The following OPRD1 variants were observed in gnomAD, a reference collection of about 807,000 sequenced individuals.
OPRD1 encodes delta-type opioid receptor.
OPRD1 carries 19 observed loss-of-function variants against 17.5 expected under a neutral mutation model. The ratio of observed to expected loss-of-function variants is 1.09; its 90% CI spans 0.76 to 1.60. The LOEUF is 1.60. Among genes scored for constraint, OPRD1 ranks in the 40% most tolerant of loss-of-function variants. The pLI is 0.00. For missense variants in OPRD1, 483 were observed against 547.2 expected, an observed-to-expected ratio of 0.88 and a Z score of 1.17; for synonymous variants, 256 against 240.9, an observed-to-expected ratio of 1.06 and a Z score of -0.58.
intron 2 of OPRD1, among the ~76,000 whole-genome samples, chr1:28,862,070 C>G (rs1315078959): frequency 6.6e-6 from 1 of 151,934 alleles, no homozygotes; most frequent in African/African-American, 2.4e-5. Context: ...TACCACCATG[C>G]CCGGCTAATT....
At chr1:28,832,291 G>C (rs2088813315) in intron 1 of OPRD1, among the ~76,000 whole-genome samples, 1 of 152,094 alleles carries the variant, frequency 6.6e-6, no homozygotes. Flanking sequence ...AGCTCTTTTG[G>C]GTCCCAGGCA....
At chr1:28,828,319 C>A (rs1014936483) in intron 1 of OPRD1, among the ~76,000 whole-genome samples, 2 of 152,142 alleles carry the variant, frequency 1.3e-5, no homozygotes, top group African/African-American at 4.8e-5. Context: ...TGAAAGGAAT[C>A]TTTTTTTCTG....
chr1:28,843,366 C>T (rs7547259), intron 1 of OPRD1, among the ~76,000 whole-genome samples: 7,955 of 152,246 alleles, frequency 0.052, 218 homozygotes, highest in South Asian at 0.089. Flanking sequence ...ATGCAGCCAT[C>T]ACAACCGTTC....
chr1:28,815,866 G>A (rs779749657), intron 1 of OPRD1, among the ~76,000 whole-genome samples: 7 of 152,192 alleles, frequency 4.6e-5, no homozygotes, highest in Non-Finnish European at 8.8e-5. Context: ...CCTTGGGGAA[G>A]GAAAGCCGGG....
chr1:28,817,909 G>A (rs902502259), intron 1 of OPRD1, among the ~76,000 whole-genome samples: 2 of 142,850 alleles, frequency 1.4e-5, no homozygotes, highest in Non-Finnish European at 3.1e-5. Context: ...GGGCGGGGGG[G>A]GGGTTTCACC....
intron 1 of OPRD1, among the ~76,000 whole-genome samples, chr1:28,858,049 C>T (rs550951674): frequency 6.6e-4 from 100 of 152,012 alleles, no homozygotes; most frequent in Non-Finnish European, 9.3e-4. Context: ...CCCACCTCGG[C>T]CTCCCAAAGT....
At chr1:28,855,296 G>A (rs1298477509) in intron 1 of OPRD1, among the ~76,000 whole-genome samples, 2 of 152,146 alleles carry the variant, frequency 1.3e-5, no homozygotes, top group Non-Finnish European at 2.9e-5. Flanking sequence ...AAGTCCAGAG[G>A]CCCCGAAGTG....
chr1:28,863,157 G>A lies in OPRD1; in HGVS notation c.993G>A (p.Gln331=). 6.2e-7 allele frequency: 1 copy of A among 1,604,882 alleles called. No homozygotes were observed. The highest frequency in any genetic ancestry group is 8.5e-7 in the Non-Finnish European group (1 of 1,178,460). Residue 331 remains glutamine (Q), a synonymous_variant, in exon 3 of 3, where the codon CAG becomes CAA. Coordinates refer to ENST00000234961, the MANE Select transcript of OPRD1 (RefSeq NM_000911.4). ...AGAACTTCAAGCGCTGCTTCCGCCA[G>A]CTCTGCCGCAAGCCCTGCGGCCGCC... ...LDENFKRCFR[Q]LCRKPCGRPD...
Position 28,863,418 on chromosome 1 carries a change from G to C in OPRD1, c.*135G>C, listed in dbSNP as rs1366860046. The C allele has an allele frequency of 1.9e-6, 2 of 1,056,694 alleles. No individual in the cohort carries two copies. The highest frequency in any genetic ancestry group is 2.6e-6 in the Non-Finnish European group (2 of 783,148). 65.5% of individuals were successfully genotyped at this position (1,056,694 alleles called of 1,614,324 possible). ...CTTGGGACCGCCAGATGGGGCCTCTGTTTCGGAGACGGGACCGGGCCGCTA... is the reference window on the plus strand; with the variant it reads ...CTTGGGACCGCCAGATGGGGCCTCTCTTTCGGAGACGGGACCGGGCCGCTA... On this transcript the variant is annotated 3_prime_UTR_variant, in exon 3 of 3. Transcript: ENST00000234961.
At chr1:28,852,962 T>C (rs2089019344) in intron 1 of OPRD1, among the ~76,000 whole-genome samples, 1 of 152,044 alleles carries the variant, frequency 6.6e-6, no homozygotes, top group African/African-American at 2.4e-5. Context: ...TCAGGTGATC[T>C]ACCCACCTTG....
Position 28,860,362 on chromosome 1 carries a change from T to TAA in OPRD1, c.577+1075_577+1076dup, listed in dbSNP as rs1553151572. ...CTTGGGCGACAGAATGGGACTTGTC[T>TAA]AAAAAAAAAAAAAAAAATTTATGGC... On this transcript the variant is annotated intron_variant, in intron 2 of 2. Coordinates refer to ENST00000234961, the MANE Select transcript of OPRD1 (RefSeq NM_000911.4). Among the ~76,000 whole-genome samples, 238 of 49,456 alleles carry TAA rather than the reference T, an allele frequency of 4.8e-3. 2 individuals carry two copies. Among genetic ancestry groups the TAA allele is most frequent in the African/African-American group, 8.2e-3 (227 of 27,852 alleles). 32.4% of individuals were successfully genotyped at this position (49,456 alleles called of 152,430 possible).
chr1:28,822,758 G>C (rs1001934703), intron 1 of OPRD1, among the ~76,000 whole-genome samples: 6 of 151,932 alleles, frequency 3.9e-5, no homozygotes, highest in Admixed American at 2.0e-4. Context: ...CCAAAGTACT[G>C]GGATTACAGG....
At chr1:28,846,905 CTT>C (rs1323069441) in intron 1 of OPRD1, among the ~76,000 whole-genome samples, 1 of 129,558 alleles carries the variant, frequency 7.7e-6, no homozygotes, top group East Asian at 2.3e-4. Context: ...CTCTTTCTTT[CTT>C]TTTCTTTCTT....
At chr1:28,825,211 G>A (rs899448757) in intron 1 of OPRD1, among the ~76,000 whole-genome samples, 1 of 152,126 alleles carries the variant, frequency 6.6e-6, no homozygotes, top group Non-Finnish European at 1.5e-5. Context: ...TTACAAATGA[G>A]GAAACCGAGA....
At chr1:28,817,180 G>T (rs1337867494) in intron 1 of OPRD1, among the ~76,000 whole-genome samples, 1 of 152,170 alleles carries the variant, frequency 6.6e-6, no homozygotes, top group African/African-American at 2.4e-5. Flanking sequence ...TGTATCAAAT[G>T]CTGGCTCTGC....
intron 1 of OPRD1, among the ~76,000 whole-genome samples, chr1:28,858,214 C>T (rs553188775): frequency 7.0e-5 from 10 of 143,850 alleles, no homozygotes; most frequent in East Asian, 2.2e-4. Flanking sequence ...CCCGGGTTCA[C>T]GCCATTCTCC....
chr1:28,841,697 AT>A (rs1015672849), intron 1 of OPRD1, among the ~76,000 whole-genome samples: 3 of 151,414 alleles, frequency 2.0e-5, no homozygotes, highest in Non-Finnish European at 4.4e-5. Context: ...ATTTATTTTT[AT>A]TTTATTTATT....
intron 1 of OPRD1, 57 bp downstream of exon 1, chr1:28,812,667 C>T: frequency 7.2e-7 from 1 of 1,379,664 alleles, no homozygotes; most frequent in South Asian, 1.5e-5. Context: ...GGGTGGGGAT[C>T]ACGAACTTGA....
In OPRD1 at chr1:28,868,842, A is replaced by G. The variant is rs1278170536; in HGVS notation, c.*5559A>G. ...GCGACAGAGCGAGACTCTGTCTGAA[A>G]AAAAAAAAAAATTAAAAAGAAATGC... is the stretch of plus-strand genomic sequence containing the variant. On this transcript the variant is annotated 3_prime_UTR_variant, in exon 3 of 3. Coordinates refer to ENST00000234961, the MANE Select transcript of OPRD1 (RefSeq NM_000911.4). 6.7e-6 allele frequency: 1 copy of G among 150,026 alleles called. No individual in the cohort carries two copies. Among genetic ancestry groups the G allele is most frequent in the Non-Finnish European group, 1.5e-5 (1 of 68,148 alleles). 9.3% of individuals were successfully genotyped at this position (150,026 alleles called of 1,614,324 possible). A position where few individuals can be genotyped will look rare whatever the true frequency, so the allele number is the denominator to read the frequency against.
Sources: allele counts gnomAD v4.1 joint callset (sites outside exome capture counted in the v4.1 genomes callset), GRCh38; gene constraint gnomAD v4.1.1; transcripts MANE v1.5; gene names NCBI Gene and HGNC (gene_info 2026-07-23, HGNC 2026-07-21).